C8orf34: variants seen among roughly 807,000 people sequenced by gnomAD.
C8orf34 encodes chromosome 8 open reading frame 34, also known as uncharacterized protein C8orf34.
A neutral mutation model predicts 68.3 loss-of-function variants in C8orf34; 65 were observed. The observed-to-expected ratio is 0.95, with a 90% CI of 0.78 to 1.17. The LOEUF (loss-of-function observed/expected upper bound fraction) is 1.17. Ranked by LOEUF, C8orf34 falls within the 50% of genes most tolerant of loss-of-function variation. The pLI, the probability that C8orf34 is intolerant of heterozygous loss-of-function variation, is 0.00. For synonymous variants in C8orf34, 244 were observed against 241.2 expected, an observed-to-expected ratio of 1.01 and a Z score of -0.11; for missense variants, 664 against 655.4, an observed-to-expected ratio of 1.01 and a Z score of -0.14.
intron 1 of C8orf34, among the ~76,000 whole-genome samples, chr8:68,373,613 C>T (rs962813022): frequency 1.3e-5 from 2 of 152,142 alleles, no homozygotes; most frequent in Non-Finnish European, 2.9e-5. Context: ...CATTCTGTTT[C>T]CCATTACTAT....
chr8:68,555,894 C>T (rs1816235691), intron 7 of C8orf34, among the ~76,000 whole-genome samples: 2 of 151,990 alleles, frequency 1.3e-5, no homozygotes, highest in African/African-American at 4.8e-5. Context: ...ACACTATTAC[C>T]CTAGGTACCA....
intron 11 of C8orf34, among the ~76,000 whole-genome samples, chr8:68,784,804 G>GTGGTGTGTGTA (rs1554613507): frequency 4.4e-5 from 6 of 136,826 alleles, no homozygotes; most frequent in African/African-American, 1.7e-4. Context: ...GTGTGTGTAT[G>GTGGTGTGTGTA]TGTGTGTGTG....
chr8:68,568,938 GA>G, intron 7 of C8orf34, among the ~76,000 whole-genome samples: 1 of 152,280 alleles, frequency 6.6e-6, no homozygotes, highest in South Asian at 2.1e-4. Context: ...AGATAATAAG[GA>G]AACAAGTAAG....
intron 4 of C8orf34, 111 bp downstream of exon 4, chr8:68,468,931 G>C (rs529767024): frequency 8.3e-7 from 1 of 1,200,120 alleles, no homozygotes; most frequent in South Asian, 1.5e-5. Flanking sequence ...AATTCTGCAA[G>C]AGGCTGAGTA....
At chr8:68,540,719 G>A (rs1024368869) in intron 7 of C8orf34, among the ~76,000 whole-genome samples, 3 of 152,100 alleles carry the variant, frequency 2.0e-5, no homozygotes, top group Non-Finnish European at 4.4e-5. Flanking sequence ...GTGCATGCCT[G>A]TAATCCCAGC....
intron 1 of C8orf34, among the ~76,000 whole-genome samples, chr8:68,374,918 G>A (rs949590855): frequency 1.6e-4 from 25 of 152,264 alleles, no homozygotes; most frequent in East Asian, 3.9e-4. Context: ...CTACCTTAAT[G>A]TGTTGTTGTG....
chr8:68,664,999 G>T (rs900118534), intron 8 of C8orf34, among the ~76,000 whole-genome samples: 1 of 152,122 alleles, frequency 6.6e-6, no homozygotes, highest in Admixed American at 6.5e-5. Flanking sequence ...ATTTATAAAA[G>T]AATTATCCAA....
At chr8:68,738,911 G>A (rs1822199430) in intron 10 of C8orf34, among the ~76,000 whole-genome samples, 1 of 151,904 alleles carries the variant, frequency 6.6e-6, no homozygotes, top group Non-Finnish European at 1.5e-5. Flanking sequence ...TTAATGAGGA[G>A]GGGCTCCTCC....
At chr8:68,593,921 GAT>G (rs1817468788) in intron 7 of C8orf34, among the ~76,000 whole-genome samples, 1 of 151,862 alleles carries the variant, frequency 6.6e-6, no homozygotes, top group Admixed American at 6.6e-5. Context: ...CACAAATTTT[GAT>G]ATATGTTTTT....
At chr8:68,783,808 T>C (rs1425849997) in intron 11 of C8orf34, among the ~76,000 whole-genome samples, 1 of 152,164 alleles carries the variant, frequency 6.6e-6, no homozygotes, top group Non-Finnish European at 1.5e-5. Context: ...GTCACAGGTA[T>C]GCATCCTCAA....
chr8:68,410,910 C>T (rs950644208), intron 1 of C8orf34, among the ~76,000 whole-genome samples: 2 of 152,182 alleles, frequency 1.3e-5, no homozygotes, highest in Admixed American at 6.5e-5. Flanking sequence ...ACACTGATGG[C>T]TTCCCCTTGG....
intron 7 of C8orf34, among the ~76,000 whole-genome samples, chr8:68,541,499 G>A (rs564974853): frequency 6.6e-6 from 1 of 151,896 alleles, no homozygotes; most frequent in Non-Finnish European, 1.5e-5. Context: ...TAGAGATAGA[G>A]AAAAGACTTG....
intron 1 of C8orf34, among the ~76,000 whole-genome samples, chr8:68,383,207 T>C (rs1020730353): frequency 5.3e-5 from 8 of 152,206 alleles, no homozygotes; most frequent in African/African-American, 1.7e-4. Flanking sequence ...TTTATTTACA[T>C]CCTAGTTTCT....
intron 10 of C8orf34, among the ~76,000 whole-genome samples, chr8:68,734,308 T>C (rs1822065620): frequency 6.6e-6 from 1 of 151,996 alleles, no homozygotes; most frequent in Non-Finnish European, 1.5e-5. Flanking sequence ...GACAGTCAAA[T>C]GCAAGCAGAC....
At chr8:68,730,247 G>C (rs1253704493) in intron 10 of C8orf34, among the ~76,000 whole-genome samples, 1 of 152,132 alleles carries the variant, frequency 6.6e-6, no homozygotes, top group African/African-American at 2.4e-5. Context: ...ATTGCTGGCG[G>C]CTAATTGTAG....
chr8:68,508,531 A>G (rs1814121695), intron 5 of C8orf34, among the ~76,000 whole-genome samples: 1 of 152,216 alleles, frequency 6.6e-6, no homozygotes, highest in South Asian at 2.1e-4. Flanking sequence ...AATACAATAA[A>G]TATTTCTCCT....
intron 7 of C8orf34, among the ~76,000 whole-genome samples, chr8:68,579,792 G>T (rs1817009124): frequency 6.6e-6 from 1 of 152,158 alleles, no homozygotes; most frequent in Non-Finnish European, 1.5e-5. Flanking sequence ...TATGGCATAT[G>T]TGCGGCTACT....
chr8:68,760,860 A>T (rs1184596196), intron 10 of C8orf34, among the ~76,000 whole-genome samples: 4 of 152,174 alleles, frequency 2.6e-5, no homozygotes, highest in Non-Finnish European at 5.9e-5. Flanking sequence ...AGCCTCTATC[A>T]CTGTTTAAAT....
intron 7 of C8orf34, among the ~76,000 whole-genome samples, chr8:68,616,406 T>C (rs1341950267): frequency 1.3e-5 from 2 of 152,228 alleles, no homozygotes; most frequent in Admixed American, 1.3e-4. Flanking sequence ...GGATCTTTCC[T>C]GCTTTCTCTT....
Sources: allele counts gnomAD v4.1 joint callset (sites outside exome capture counted in the v4.1 genomes callset), GRCh38; gene constraint gnomAD v4.1.1; transcripts MANE v1.5; gene names NCBI Gene and HGNC (gene_info 2026-07-23, HGNC 2026-07-21).